Variants in TBC1D15 observed in about 807,000 individuals in gnomAD.
The protein encoded by TBC1D15 is GAP for RAB7.
A neutral mutation model predicts 95.4 loss-of-function variants in TBC1D15; 39 were observed. The observed-to-expected ratio is 0.41, with a 90% CI of 0.32 to 0.53. The LOEUF (loss-of-function observed/expected upper bound fraction) is 0.53, where lower values mean the gene tolerates loss of function less well. TBC1D15 is among the 20% of genes least tolerant of loss of function. The probability of loss-of-function intolerance (pLI) is 0.29; values close to 1 mark genes in which losing one functional copy is unlikely to be tolerated. For synonymous variants in TBC1D15, 258 were observed against 261.3 expected (o/e 0.99, Z 0.12); for missense variants, 733 against 794.3 (o/e 0.92, Z 0.93).
chr12:71,847,570 C>T (rs552649462), intron 1 of TBC1D15, among the ~76,000 whole-genome samples: 1 of 151,810 alleles, frequency 6.6e-6, no homozygotes, highest in African/African-American at 2.4e-5. Flanking sequence ...TGGTATGTGC[C>T]TGTAATTCCA....
chr12:71,884,040 T>C (rs1407248978), intron 4 of TBC1D15, among the ~76,000 whole-genome samples: 1 of 152,154 alleles, frequency 6.6e-6, no homozygotes, highest in Non-Finnish European at 1.5e-5. Flanking sequence ...GAGGTCTTAA[T>C]TTAGTAGACA....
chr12:71,874,098 T>A (rs1443112734), intron 3 of TBC1D15, among the ~76,000 whole-genome samples: 1 of 152,226 alleles, frequency 6.6e-6, no homozygotes, highest in Non-Finnish European at 1.5e-5. Flanking sequence ...TCATTTTAAC[T>A]TGATTACTTG....
chr12:71,856,662 G>T (rs61924143), intron 1 of TBC1D15, among the ~76,000 whole-genome samples: 3 of 151,966 alleles, frequency 2.0e-5, no homozygotes, highest in African/African-American at 7.3e-5. Flanking sequence ...AAGGAAGAAA[G>T]GGACTGCTGA....
intron 13 of TBC1D15, 46 bp from the exon 14 acceptor site, chr12:71,918,405 A>C: frequency 8.2e-7 from 1 of 1,215,418 alleles, no homozygotes; most frequent in African/African-American, 1.6e-5. Flanking sequence ...TTCTGACATA[A>C]TTAGCATAAG....
intron 14 of TBC1D15, among the ~76,000 whole-genome samples, chr12:71,918,766 T>C (rs1263870655): frequency 6.6e-6 from 1 of 152,198 alleles, no homozygotes; most frequent in Non-Finnish European, 1.5e-5. Context: ...TCTGTGAGAT[T>C]TGGGGCCAAG....
At chr12:71,895,355 C>G (rs899507616) in intron 7 of TBC1D15, among the ~76,000 whole-genome samples, 1 of 151,970 alleles carries the variant, frequency 6.6e-6, no homozygotes, top group Non-Finnish European at 1.5e-5. Context: ...TGCTACAATT[C>G]TAGGCTTGTA....
intron 1 of TBC1D15, among the ~76,000 whole-genome samples, chr12:71,857,149 T>G (rs560750287): frequency 1.6e-3 from 245 of 152,220 alleles, no homozygotes; most frequent in Non-Finnish European, 2.9e-3. Flanking sequence ...GGCATCTTGC[T>G]TTACTGCCCA....
intron 1 of TBC1D15, among the ~76,000 whole-genome samples, chr12:71,857,825 C>T (rs1236755868): frequency 2.0e-5 from 3 of 152,144 alleles, no homozygotes; most frequent in African/African-American, 7.2e-5. Flanking sequence ...ATTCATTAAC[C>T]AACCTTTGTC....
At chr12:71,876,284 C>T (rs1893794817) in intron 3 of TBC1D15, among the ~76,000 whole-genome samples, 1 of 152,076 alleles carries the variant, frequency 6.6e-6, no homozygotes, top group Admixed American at 6.6e-5. Context: ...GTCTAAATAA[C>T]ATTCTTCTAA....
chr12:71,840,552 G>A lies in TBC1D15; in HGVS notation c.30+741G>A, dbSNP rs112757178. Among the ~76,000 whole-genome samples the A allele has an allele frequency of 6.1e-3, 928 of 152,208 alleles. 5 individuals carry two copies. The highest frequency in any genetic ancestry group is 0.021 in the African/African-American group (892 of 41,520). On this transcript the variant is annotated intron_variant, in intron 1 of 16. Coordinates refer to ENST00000485960, the MANE Select transcript of TBC1D15 (RefSeq NM_001146213.3). ...AGATTTCGTCGAATAGTGCCTATTC[G>A]CGTTCCGAGGGCACATCTTATGCAT...
intron 1 of TBC1D15, among the ~76,000 whole-genome samples, chr12:71,845,125 G>T (rs1335582676): frequency 6.6e-6 from 1 of 152,206 alleles, no homozygotes; most frequent in Non-Finnish European, 1.5e-5. Flanking sequence ...AAGCTTTTGG[G>T]TAACAGAGTT....
At chr12:71,889,338 A>G (rs1896822616) in intron 5 of TBC1D15, among the ~76,000 whole-genome samples, 1 of 152,162 alleles carries the variant, frequency 6.6e-6, no homozygotes, top group South Asian at 2.1e-4. Context: ...CTGGGAGGGC[A>G]ATTTACGTTT....
intron 3 of TBC1D15, among the ~76,000 whole-genome samples, chr12:71,873,263 C>G (rs1893066854): frequency 6.6e-6 from 1 of 152,134 alleles, no homozygotes; most frequent in Non-Finnish European, 1.5e-5. Flanking sequence ...CTTTCTGTCT[C>G]TAAGGATTTG....
At chr12:71,864,155 T>A (rs113450999) in intron 1 of TBC1D15, among the ~76,000 whole-genome samples, 4,175 of 152,102 alleles carry the variant, frequency 0.027, 194 homozygotes, top group African/African-American at 0.094. Context: ...CTGCAACCTC[T>A]GCCTCCTGGG....
chr12:71,905,395 G>A (rs1045200962), intron 10 of TBC1D15, among the ~76,000 whole-genome samples: 2 of 151,954 alleles, frequency 1.3e-5, no homozygotes, highest in Admixed American at 6.6e-5. Flanking sequence ...GTGCCATCAC[G>A]GCTCACTGCA....
At chr12:71,916,392 T>C (rs1189908926) in intron 12 of TBC1D15, among the ~76,000 whole-genome samples, 1 of 152,180 alleles carries the variant, frequency 6.6e-6, no homozygotes, top group Non-Finnish European at 1.5e-5. Flanking sequence ...AAAATGATCC[T>C]GTTAATCAGA....
At chr12:71,881,270 C>G (rs1895071974) in intron 4 of TBC1D15, among the ~76,000 whole-genome samples, 1 of 152,070 alleles carries the variant, frequency 6.6e-6, no homozygotes, top group East Asian at 1.9e-4. Context: ...GTTACAGTTG[C>G]CTGTGGTATT....
intron 1 of TBC1D15, among the ~76,000 whole-genome samples, chr12:71,853,216 AG>A (rs1263733144): frequency 3.9e-5 from 6 of 152,196 alleles, no homozygotes; most frequent in Non-Finnish European, 7.3e-5. Flanking sequence ...GAATAGAGAG[AG>A]GGGAGGTGCC....
rs555851627 is a variant in TBC1D15, at chr12:71,858,042, T to C, written c.31-14028T>C. ...TTTTTTCATTTTTATGGCTTAATAGTATACCATTGTGCATATATGCAACAT... is the reference window on the plus strand; with the variant it reads ...TTTTTTCATTTTTATGGCTTAATAGCATACCATTGTGCATATATGCAACAT... On this transcript the variant is annotated intron_variant, in intron 1 of 16. Coordinates refer to ENST00000485960, the MANE Select transcript of TBC1D15 (RefSeq NM_001146213.3). Among the ~76,000 whole-genome samples, 21 of 152,292 alleles carry C rather than the reference T, an allele frequency of 1.4e-4. 1 individual carries two copies. The South Asian group carries it at 4.1e-3, about 30-fold the overall frequency.
Sources: gnomAD v4.1 joint callset for allele counts (sites outside exome capture counted in the v4.1 genomes callset) on GRCh38, gnomAD v4.1.1 for gene constraint, MANE v1.5 for transcripts, NCBI Gene and HGNC (gene_info 2026-07-23, HGNC 2026-07-21) for gene names.